ADAMTSL1: variants seen among roughly 807,000 people sequenced by gnomAD.
ADAMTSL1 encodes the protein ADAMTS like 1, also known as ADAMTS-like protein 1.
Under a neutral mutation model 201.8 loss-of-function variants are expected in ADAMTSL1, and 126 were observed. The ratio of observed to expected loss-of-function variants is 0.62; its 90% confidence interval spans 0.54 to 0.72. ADAMTSL1 has a LOEUF of 0.72. ADAMTSL1 is among the 30% of genes least tolerant of loss of function. ADAMTSL1 has a pLI of 0.00. For missense variants in ADAMTSL1, 2,679 were observed against 2,277.8 expected, an observed-to-expected ratio of 1.18 and a Z score of -3.59; for synonymous variants, 1,121 against 903.4, an observed-to-expected ratio of 1.24 and a Z score of -4.32.
At chr9:18,895,733 A>C (rs1439172039) in intron 26 of ADAMTSL1, among the ~76,000 whole-genome samples, 1 of 152,226 alleles carries the variant, frequency 6.6e-6, no homozygotes, top group African/African-American at 2.4e-5. Flanking sequence ...ATACCCAGCT[A>C]ATCAGTGATG....
intron 2 of ADAMTSL1, among the ~76,000 whole-genome samples, chr9:18,200,741 A>G (rs544301316): frequency 8.5e-5 from 13 of 152,200 alleles, no homozygotes; most frequent in African/African-American, 2.9e-4. Flanking sequence ...CTGAAAATTA[A>G]TAAGTTTAAT....
chr9:18,487,353 A>G (rs1009374866), intron 1 of ADAMTSL1, among the ~76,000 whole-genome samples: 2 of 152,212 alleles, frequency 1.3e-5, no homozygotes, highest in African/African-American at 4.8e-5. Flanking sequence ...TTAGTACAAA[A>G]TTGATTATAG....
intron 1 of ADAMTSL1, among the ~76,000 whole-genome samples, chr9:18,484,050 A>G (rs1821865441): frequency 6.6e-6 from 1 of 152,202 alleles, no homozygotes; most frequent in Admixed American, 6.5e-5. Context: ...GGGATCTTGC[A>G]TGTAGCACGT....
chr9:18,096,332 A>G (rs1824252238), intron 1 of ADAMTSL1, among the ~76,000 whole-genome samples: 1 of 152,232 alleles, frequency 6.6e-6, no homozygotes, highest in South Asian at 2.1e-4. Flanking sequence ...AGTTCTATCA[A>G]TAAACGTATA....
intron 2 of ADAMTSL1, among the ~76,000 whole-genome samples, chr9:18,231,175 A>G (rs1323356641): frequency 6.6e-6 from 1 of 151,974 alleles, no homozygotes; most frequent in Non-Finnish European, 1.5e-5. Context: ...ACCAATGCCC[A>G]CTCCACCTAC....
At chr9:18,350,001 A>C (rs112270084) in intron 2 of ADAMTSL1, among the ~76,000 whole-genome samples, 1 of 151,952 alleles carries the variant, frequency 6.6e-6, no homozygotes, top group Non-Finnish European at 1.5e-5. Context: ...ACAAAAAAGC[A>C]CAATGTGTTG....
intron 3 of ADAMTSL1, among the ~76,000 whole-genome samples, chr9:18,539,773 G>T (rs1297346535): frequency 2.0e-5 from 3 of 152,152 alleles, no homozygotes; most frequent in African/African-American, 4.8e-5. Flanking sequence ...TATGAATGAA[G>T]TAAAATAGTA....
chr9:18,306,388 A>G (rs902041842), intron 2 of ADAMTSL1, among the ~76,000 whole-genome samples: 1 of 152,150 alleles, frequency 6.6e-6, no homozygotes, highest in Non-Finnish European at 1.5e-5. Flanking sequence ...GATAATAACA[A>G]ACTCCTCCAA....
At chr9:18,089,744 A>G (rs2131809306) in intron 1 of ADAMTSL1, among the ~76,000 whole-genome samples, 1 of 152,338 alleles carries the variant, frequency 6.6e-6, no homozygotes, top group Non-Finnish European at 1.5e-5. Flanking sequence ...GGTGGTTGTC[A>G]GGGTCTAGAG....
chr9:18,547,716 T>G (rs908378002), intron 3 of ADAMTSL1, among the ~76,000 whole-genome samples: 8 of 151,556 alleles, frequency 5.3e-5, no homozygotes, highest in Non-Finnish European at 7.4e-5. Flanking sequence ...AAAGAGGCTG[T>G]TTGATAGACA....
At chr9:18,047,114 G>T (rs1821693829) in intron 1 of ADAMTSL1, among the ~76,000 whole-genome samples, 1 of 152,050 alleles carries the variant, frequency 6.6e-6, no homozygotes. Flanking sequence ...TTCAGGAGAT[G>T]TTACTACAGA....
In ADAMTSL1 at chr9:18,013,560, C is replaced by T. The variant is rs954897971; in HGVS notation, c.87+106638C>T. ...ACCAAACCAAAGCAACCAAAAAACACGGATTCTAAAACCTTAACTGAGGAA... is the reference window on the plus strand; with the variant it reads ...ACCAAACCAAAGCAACCAAAAAACATGGATTCTAAAACCTTAACTGAGGAA... On this transcript the variant is annotated intron_variant, in intron 1 of 29. Coordinates refer to the ADAMTSL1 transcript ENST00000680146. Among the ~76,000 whole-genome samples the T allele has an allele frequency of 5.9e-5, 9 of 152,126 alleles. No individual in the cohort carries two copies. The South Asian group carries it at 1.2e-3, about 21-fold the overall frequency.
intron 20 of ADAMTSL1, among the ~76,000 whole-genome samples, chr9:18,815,068 C>G (rs780670379): frequency 6.6e-6 from 1 of 151,946 alleles, no homozygotes; most frequent in Non-Finnish European, 1.5e-5. Context: ...CAAATACTGG[C>G]GCAGATGTGG....
chr9:18,590,558 T>C (rs1006205072), intron 4 of ADAMTSL1, among the ~76,000 whole-genome samples: 5 of 152,068 alleles, frequency 3.3e-5, no homozygotes, highest in African/African-American at 1.2e-4. Context: ...GCTACTAATT[T>C]AGGGTTTAGT....
intron 13 of ADAMTSL1, among the ~76,000 whole-genome samples, chr9:18,690,485 A>G (rs569589580): frequency 2.0e-5 from 3 of 152,148 alleles, no homozygotes; most frequent in Non-Finnish European, 4.4e-5. Flanking sequence ...TATTCTCTTC[A>G]TGAATCTCAG....
At chr9:18,743,268 T>C (rs1338282608) in intron 15 of ADAMTSL1, among the ~76,000 whole-genome samples, 1 of 152,150 alleles carries the variant, frequency 6.6e-6, no homozygotes, top group African/African-American at 2.4e-5. Flanking sequence ...TGAAGACACT[T>C]TATATAATTG....
chr9:17,997,795 A>G (rs1819444430), intron 1 of ADAMTSL1, among the ~76,000 whole-genome samples: 1 of 152,082 alleles, frequency 6.6e-6, no homozygotes, highest in African/African-American at 2.4e-5. Context: ...TATTTTAAGA[A>G]AACAGATTTT....
intron 2 of ADAMTSL1, among the ~76,000 whole-genome samples, chr9:18,397,000 T>C (rs146602293): frequency 1.4e-5 from 2 of 145,880 alleles, no homozygotes; most frequent in South Asian, 2.1e-4. Context: ...TTGTATTTTC[T>C]AACAGAATCC....
At position 18,775,781 on chromosome 9, in the gene ADAMTSL1, C is replaced by T. The variant is rs761933807; in HGVS notation, c.2436C>T (p.Ser812=). Residue 812 remains serine, a synonymous_variant, in exon 18 of 29, where the codon AGC becomes AGT. Coordinates refer to ENST00000380548, the MANE Select transcript of ADAMTSL1 (RefSeq NM_001040272.6). Reference sequence around the variant, plus strand: ...GCGGGGAAGGCACCCAGACTCGAAGCGCCATTTGCCGAAAGATGCTGAAAA... The same window carrying T: ...GCGGGGAAGGCACCCAGACTCGAAGTGCCATTTGCCGAAAGATGCTGAAAA... ...TSCGEGTQTR[S]AICRKMLKTG... is the part of the protein sequence containing the mutation. 27 of 1,612,660 alleles carry T rather than the reference C, an allele frequency of 1.7e-5. No homozygotes were observed. The highest frequency in any genetic ancestry group is 2.2e-5 in the East Asian group (1 of 44,872).
Sources: gnomAD v4.1 joint callset for allele counts (sites outside exome capture counted in the v4.1 genomes callset) on GRCh38, gnomAD v4.1.1 for gene constraint, MANE v1.5 for transcripts, NCBI Gene and HGNC (gene_info 2026-07-23, HGNC 2026-07-21) for gene names.